The following NYAP2 variants were observed in gnomAD, a reference collection of about 807,000 sequenced individuals.
NYAP2 encodes the protein neuronal tyrosine-phosphorylated phosphoinositide-3-kinase adaptor 2, also known as neuronal tyrosine-phosphorylated phosphoinositide-3-kinase adapter 2.
NYAP2 carries 23 observed loss-of-function variants against 50.4 expected under a neutral mutation model. The observed-to-expected ratio is 0.46, with a 90% CI of 0.33 to 0.65. The LOEUF is 0.65. Ranked by LOEUF, NYAP2 falls within the 30% of genes least tolerant of loss-of-function variation. The pLI, the probability that NYAP2 is intolerant of heterozygous loss-of-function variation, is 0.02. For missense variants in NYAP2, 885 were observed against 861.0 expected (o/e 1.03, Z -0.35); for synonymous variants, 394 against 365.2 (o/e 1.08, Z -0.90).
At chr2:225,413,827 T>C (rs1015183076) in intron 3 of NYAP2, among the ~76,000 whole-genome samples, 1 of 152,208 alleles carries the variant, frequency 6.6e-6, no homozygotes, top group South Asian at 2.1e-4. Context: ...AATATACTGC[T>C]GTTTAGTGTA....
At chr2:225,572,424 A>T (rs1574685282) in intron 4 of NYAP2, among the ~76,000 whole-genome samples, 1 of 152,242 alleles carries the variant, frequency 6.6e-6, no homozygotes, top group East Asian at 1.9e-4. Flanking sequence ...TCATGGCAGA[A>T]GACACCTCTT....
chr2:225,493,801 A>T (rs995481830), intron 3 of NYAP2, among the ~76,000 whole-genome samples: 1 of 152,238 alleles, frequency 6.6e-6, no homozygotes, highest in Non-Finnish European at 1.5e-5. Context: ...GCTAATTTCC[A>T]TGGTGGAAAT....
intron 6 of NYAP2, among the ~76,000 whole-genome samples, chr2:225,629,233 T>C (rs777173268): frequency 1.3e-5 from 2 of 152,188 alleles, no homozygotes; most frequent in Non-Finnish European, 2.9e-5. Context: ...AGAAGACAGA[T>C]GTCCCAGCTC....
chr2:225,513,335 T>A (rs1374584652), intron 3 of NYAP2, 36 bp from the exon 4 acceptor site: 8 of 1,605,936 alleles, frequency 5.0e-6, no homozygotes, highest in African/African-American at 1.3e-5. Flanking sequence ...CTGGCTCCTT[T>A]TGTCTTCATG....
chr2:225,479,026 G>A (rs1690163895), intron 3 of NYAP2, among the ~76,000 whole-genome samples: 1 of 152,128 alleles, frequency 6.6e-6, no homozygotes, highest in African/African-American at 2.4e-5. Flanking sequence ...GTGTTAATAT[G>A]TTTTAAAATT....
chr2:225,629,843 C>A, intron 6 of NYAP2, among the ~76,000 whole-genome samples: 1 of 152,138 alleles, frequency 6.6e-6, no homozygotes, highest in East Asian at 1.9e-4. Flanking sequence ...GACCCAGACC[C>A]CTCCCACTAG....
intron 3 of NYAP2, among the ~76,000 whole-genome samples, chr2:225,457,514 A>T (rs1347084388): frequency 6.6e-6 from 1 of 152,250 alleles, no homozygotes; most frequent in East Asian, 1.9e-4. Context: ...CTGCTACTGT[A>T]CATAGTATCA....
the NYAP2 span, among the ~76,000 whole-genome samples, chr2:225,670,807 T>C: frequency 2.0e-5 from 3 of 152,204 alleles, no homozygotes; most frequent in South Asian, 6.2e-4. Context: ...CATGGCAATA[T>C]AGTGAATATT....
intron 2 of NYAP2, among the ~76,000 whole-genome samples, chr2:225,402,011 T>A (rs1038948579): frequency 2.0e-5 from 3 of 152,072 alleles, no homozygotes; most frequent in Non-Finnish European, 4.4e-5. Context: ...AATGTTCTCA[T>A]TTATTTTATA....
intron 4 of NYAP2, among the ~76,000 whole-genome samples, chr2:225,531,824 G>A (rs747193798): frequency 2.2e-4 from 34 of 152,244 alleles, no homozygotes; most frequent in Non-Finnish European, 4.6e-4. Context: ...AGATTGCTTT[G>A]CTGGCTCTTT....
At chr2:225,591,252 G>A (rs565265115) in intron 5 of NYAP2, among the ~76,000 whole-genome samples, 25 of 152,290 alleles carry the variant, frequency 1.6e-4, no homozygotes, top group African/African-American at 6.0e-4. Context: ...TTCTTATGGG[G>A]CACTGGGAGG....
intron 6 of NYAP2, 92 bp downstream of exon 6, chr2:225,627,218 T>C: frequency 1.0e-6 from 1 of 954,178 alleles, no homozygotes; most frequent in Non-Finnish European, 1.6e-6. Context: ...TCACCACAGA[T>C]ATCTCTGTCT....
At chr2:225,695,171 C>A in the NYAP2 span, among the ~76,000 whole-genome samples, 1 of 151,586 alleles carries the variant, frequency 6.6e-6, no homozygotes, top group African/African-American at 2.4e-5. Context: ...ATGGATAATA[C>A]AGTACACTGT....
intron 3 of NYAP2, among the ~76,000 whole-genome samples, chr2:225,491,682 T>C (rs1252252917): frequency 1.3e-5 from 2 of 152,238 alleles, no homozygotes; most frequent in Non-Finnish European, 2.9e-5. Context: ...TGGGGGTCTT[T>C]ACTATGTAGT....
At chr2:225,655,907 C>CACACACACACACACACACAT (rs1559242677), downstream of NYAP2, among the ~76,000 whole-genome samples, 143 of 144,820 alleles carry the variant, frequency 9.9e-4, no homozygotes, top group African/African-American at 3.2e-3. Context: ...CACACACACA[C>CACACACACACACACACACAT]ACACACACAC....
At chr2:225,617,143 A>G (rs187745549) in intron 5 of NYAP2, among the ~76,000 whole-genome samples, 220 of 152,312 alleles carry the variant, frequency 1.4e-3, no homozygotes, top group African/African-American at 5.1e-3. Context: ...GTGACATTTC[A>G]AAAATCACAT....
At chr2:225,685,136 G>A in the NYAP2 span, among the ~76,000 whole-genome samples, 1 of 152,120 alleles carries the variant, frequency 6.6e-6, no homozygotes, top group African/African-American at 2.4e-5. Flanking sequence ...TTTTTTAGCT[G>A]TTTAAACAAT....
At chr2:225,509,942 A>C (rs1358402639) in intron 3 of NYAP2, among the ~76,000 whole-genome samples, 1 of 152,166 alleles carries the variant, frequency 6.6e-6, no homozygotes, top group African/African-American at 2.4e-5. Flanking sequence ...CAGGCCACTG[A>C]CCTCAAGCTT....
chr2:225,646,508 G>A (rs572263944), intron 6 of NYAP2, among the ~76,000 whole-genome samples: 48 of 152,148 alleles, frequency 3.2e-4, no homozygotes, highest in African/African-American at 5.1e-4. Flanking sequence ...CCAAGATTGC[G>A]CCATTGCACT....
Sources: allele counts gnomAD v4.1 joint callset (sites outside exome capture counted in the v4.1 genomes callset), GRCh38; gene constraint gnomAD v4.1.1; transcripts MANE v1.5; gene names NCBI Gene and HGNC (gene_info 2026-07-23, HGNC 2026-07-21).